Variants in SUGP2 observed in about 807,000 individuals in gnomAD.
The protein encoded by SUGP2 is SURP and G-patch domain containing 2, also known as SURP and G-patch domain-containing protein 2.
In SUGP2, 24 loss-of-function variants were observed where a neutral mutation model predicts 90.5. The observed-to-expected ratio is 0.27, with a 90% CI of 0.19 to 0.37. The LOEUF is 0.37. SUGP2 is among the 10% of genes least tolerant of loss of function. SUGP2 has a pLI of 1.00. For synonymous variants in SUGP2, 473 were observed against 513.4 expected, an observed-to-expected ratio of 0.92 and a Z score of 1.06; for missense variants, 1,233 against 1,363.3, an observed-to-expected ratio of 0.90 and a Z score of 1.51.
intron 6 of SUGP2, among the ~76,000 whole-genome samples, chr19:19,006,590 A>G (rs2058085795): frequency 6.6e-6 from 1 of 152,198 alleles, no homozygotes. Context: ...GAAAAAAAAG[A>G]AAGTGAAAAA....
At position 19,014,774 on chromosome 19, in the gene SUGP2, G is replaced by A. The variant is rs116747117; in HGVS notation, c.1850+4335C>T. ...GATCATGCCACTGTGCTCTAGCCTGGGCAACAGAATGAAAACTCATCTCTT... is the reference window on the plus strand; with the variant it reads ...GATCATGCCACTGTGCTCTAGCCTGAGCAACAGAATGAAAACTCATCTCTT... On this transcript the variant is annotated intron_variant, in intron 4 of 10. Coordinates refer to ENST00000452918, the MANE Select transcript of SUGP2 (RefSeq NM_001017392.5). 9.6e-3 allele frequency among the ~76,000 whole-genome samples: 1,450 copies of A among 151,520 alleles called. 22 individuals carry two copies. The highest frequency in any genetic ancestry group is 0.02 in the Middle Eastern group (6 of 294).
Position 19,033,507 on chromosome 19 carries a change from G to A in SUGP2, c.-82C>T. ...TCCTCACCCGCCGCCGCCGCCGCGC[G>A]AGGCGGGGACATGCAAATGAACCAA... is the stretch of plus-strand genomic sequence containing the variant. On this transcript the variant is annotated 5_prime_UTR_variant, in exon 1 of 11. Transcript: ENST00000452918. The A allele has an allele frequency of 2.1e-6, 3 of 1,405,632 alleles. No homozygotes were observed. Among genetic ancestry groups the A allele is most frequent in the Non-Finnish European group, 2.8e-6 (3 of 1,079,086 alleles). The allele number at this position is 1,405,632 out of a possible 1,614,324, so 87.1% of individuals were successfully genotyped here. A position where few individuals can be genotyped will look rare whatever the true frequency, so the allele number is the denominator to read the frequency against.
At chr19:19,011,154 C>A (rs2058298086) in intron 4 of SUGP2, among the ~76,000 whole-genome samples, 1 of 149,616 alleles carries the variant, frequency 6.7e-6, no homozygotes, top group African/African-American at 2.5e-5. Flanking sequence ...AAAAAAAAAA[C>A]CTTCTCCTTC....
chr19:18,999,945 C>T (rs931883839), intron 8 of SUGP2, among the ~76,000 whole-genome samples: 6 of 152,186 alleles, frequency 3.9e-5, no homozygotes, highest in African/African-American at 1.4e-4. Context: ...GCACACCCAG[C>T]CCACAAGCAG....
intron 4 of SUGP2, among the ~76,000 whole-genome samples, chr19:19,010,703 T>A (rs1409114685): frequency 6.6e-6 from 1 of 152,188 alleles, no homozygotes; most frequent in African/African-American, 2.4e-5. Flanking sequence ...GAGTGCTCGG[T>A]GAGCTTTTGA....
intron 2 of SUGP2, among the ~76,000 whole-genome samples, chr19:19,029,858 G>T (rs1208372120): frequency 6.6e-6 from 1 of 151,836 alleles, no homozygotes; most frequent in African/African-American, 2.4e-5. Context: ...CAGGAGAATC[G>T]CTTGAATCCA....
intron 8 of SUGP2, among the ~76,000 whole-genome samples, chr19:18,999,758 T>G (rs1237123498): frequency 6.6e-6 from 1 of 152,168 alleles, no homozygotes; most frequent in Non-Finnish European, 1.5e-5. Flanking sequence ...GAAGGACTGG[T>G]GAAGTCTCTC....
Position 19,013,013 on chromosome 19 carries a change from G to A in SUGP2, c.1851-2671C>T, listed in dbSNP as rs938885342. ...CGAGTAGCTGGGATTATAGGCACCC[G>A]CCACCACACCCAGCTAATTTTCGAA... On this transcript the variant is annotated intron_variant, in intron 4 of 10. Coordinates refer to ENST00000452918, the MANE Select transcript of SUGP2 (RefSeq NM_001017392.5). 2.6e-5 allele frequency among the ~76,000 whole-genome samples: 4 copies of A among 151,994 alleles called. No individual in the cohort carries two copies. In the East Asian group the frequency reaches 5.8e-4, roughly 22 times the overall value.
intron 9 of SUGP2, 72 bp from the exon 10 acceptor site, chr19:18,994,558 CACA>C: frequency 6.3e-7 from 1 of 1,574,988 alleles, no homozygotes; most frequent in Non-Finnish European, 8.6e-7. Flanking sequence ...TGGGCATGGG[CACA>C]AACAGTCCAT....
rs565048126 is a variant in SUGP2 at position 19,015,566 on chromosome 19, C to T, written c.1850+3543G>A. On this transcript the variant is annotated intron_variant, in intron 4 of 10. Transcript: ENST00000452918. ...GTACCCAGGCTGGAGTGCAGTGGTGCGATCTTGGCTCACTGCAACCTCTGC... is the reference window on the plus strand; with the variant it reads ...GTACCCAGGCTGGAGTGCAGTGGTGTGATCTTGGCTCACTGCAACCTCTGC... 3.3e-5 allele frequency among the ~76,000 whole-genome samples: 5 copies of T among 152,212 alleles called. No homozygotes were observed. In the East Asian group the frequency reaches 7.7e-4, roughly 24 times the overall value.
intron 2 of SUGP2, among the ~76,000 whole-genome samples, chr19:19,029,126 A>G (rs1048306066): frequency 6.6e-6 from 1 of 150,494 alleles, no homozygotes; most frequent in African/African-American, 2.4e-5. Flanking sequence ...CCATAGGCGC[A>G]TGCCACCATG....
chr19:19,012,636 T>C (rs2058349251), intron 4 of SUGP2, among the ~76,000 whole-genome samples: 1 of 152,234 alleles, frequency 6.6e-6, no homozygotes, highest in Non-Finnish European at 1.5e-5. Flanking sequence ...CTGTGAGGCC[T>C]GCGTTATAAG....
At position 18,995,135 on chromosome 19, in the gene SUGP2, G is replaced by T. The variant is rs769613605; in HGVS notation, c.3128+9C>A. On this transcript the variant is annotated intron_variant, in intron 9 of 10. Coordinates refer to ENST00000452918, the MANE Select transcript of SUGP2 (RefSeq NM_001017392.5). ...CACCCACTCCCACCCCAGGCTGCCT[G>T]CTGCGTACACGCTGACCGGCTCCCT... 140 of 1,611,532 alleles carry T rather than the reference G, an allele frequency of 8.7e-5. No individual in the cohort carries two copies. Among genetic ancestry groups the T allele is most frequent in the Non-Finnish European group, 1.2e-4 (138 of 1,179,426 alleles).
Position 19,010,107 on chromosome 19 carries a change from C to T in SUGP2, c.2086G>A (p.Ala696Thr). The change falls in exon 5 of 11, where the codon GCG becomes ACG. Residue 696 changes from alanine (A) to threonine (T), a missense_variant. By Grantham distance (58) the Ala-to-Thr change is moderately conservative (BLOSUM62 0). This residue lies in a region of SUGP2 where 540 missense variants were observed against 542.6 expected (regional missense o/e 1.00). Transcript: ENST00000452918. ...AGGAGGGTCTGGGTCCCGGTGGTCG[C>T]TCTCCTCGCCTTCCAGCCCCGGAGC... is the stretch of plus-strand genomic sequence containing the variant. ...QGLRGWKARR[A>T]TTGTQTLLSS... 6.2e-7 allele frequency: 1 copy of T among 1,605,188 alleles called. No homozygotes were observed. The highest frequency in any genetic ancestry group is 8.5e-7 in the Non-Finnish European group (1 of 1,177,094).
chr19:18,992,612 A>G lies in SUGP2; in HGVS notation c.*1129T>C, dbSNP rs2057409626. ...GGTGATCCATCCGCCTCAACCTCCT[A>G]AAGTGCTGGGATTACAGGCTTGAGC... On this transcript the variant is annotated 3_prime_UTR_variant, in exon 11 of 11. Coordinates refer to ENST00000452918, the MANE Select transcript of SUGP2 (RefSeq NM_001017392.5). 6.6e-6 allele frequency: 1 copy of G among 152,146 alleles called. No individual in the cohort carries two copies. The highest frequency in any genetic ancestry group is 2.4e-5 in the African/African-American group (1 of 41,394). 9.4% of individuals were successfully genotyped at this position (152,146 alleles called of 1,614,324 possible).
At chr19:19,027,701 G>T (rs181007792) in intron 2 of SUGP2, among the ~76,000 whole-genome samples, 2 of 151,576 alleles carry the variant, frequency 1.3e-5, no homozygotes, top group South Asian at 4.2e-4. Flanking sequence ...GCAAGGGTGC[G>T]ATCTTGGCTC....
chr19:19,026,682 A>G (rs966364561), intron 2 of SUGP2, among the ~76,000 whole-genome samples: 1 of 152,190 alleles, frequency 6.6e-6, no homozygotes, highest in African/African-American at 2.4e-5. Flanking sequence ...TTCTACTTCT[A>G]TCTCAGAACA....
rs1206171371 is a variant in SUGP2, at chr19:19,025,631, C to G, written c.717G>C (p.Gly239=). The G allele has an allele frequency of 1.2e-6, 2 of 1,613,910 alleles. No homozygotes were observed. Among genetic ancestry groups the G allele is most frequent in the African/African-American group, 2.7e-5 (2 of 74,858 alleles). Residue 239 remains glycine (G), a synonymous_variant, in exon 3 of 11, where the codon GGG becomes GGC. Coordinates refer to ENST00000452918, the MANE Select transcript of SUGP2 (RefSeq NM_001017392.5). ...TCAATGTGACAAGTTTCCCAACACC[C>G]CCCTTAGCTGTGAGCAGGCCCTGAG... ...GETQGLLTAK[G]GVGKLVTLRN...
At chr19:19,030,094 A>C (rs560962764) in intron 2 of SUGP2, among the ~76,000 whole-genome samples, 3 of 152,084 alleles carry the variant, frequency 2.0e-5, no homozygotes, top group Admixed American at 6.6e-5. Context: ...TGGGAGGATC[A>C]CTTGAGCCCA....
Sources: allele counts gnomAD v4.1 joint callset (sites outside exome capture counted in the v4.1 genomes callset), GRCh38; gene constraint gnomAD v4.1.1; regional missense constraint gnomAD v4.1.1; transcripts MANE v1.5; gene names NCBI Gene and HGNC (gene_info 2026-07-23, HGNC 2026-07-21).